Variants in FAM210B observed in about 807,000 individuals in gnomAD.
FAM210B encodes the protein family with sequence similarity 210 member B.
In FAM210B, 11 loss-of-function variants were observed where a neutral mutation model predicts 14.9. The ratio of observed to expected loss-of-function variants is 0.74; its 90% confidence interval spans 0.46 to 1.22. The LOEUF is 1.22. Among genes scored for constraint, FAM210B ranks in the 50% most tolerant of loss-of-function variants. FAM210B has a pLI of 0.00. For synonymous variants in FAM210B, 113 were observed against 110.2 expected (o/e 1.03, Z -0.16); for missense variants, 229 against 250.1 (o/e 0.92, Z 0.57).
rs6014708 is a variant in FAM210B, at chr20:56,363,940, A to G, written c.187-1147A>G. 0.27 allele frequency among the ~76,000 whole-genome samples: 40,532 copies of G among 151,792 alleles called. 8,292 individuals carry two copies. The highest frequency in any genetic ancestry group is 0.62 in the East Asian group (3,164 of 5,126). On this transcript the variant is annotated intron_variant, in intron 1 of 2. Transcript: ENST00000371384. The surrounding 1 kb of genome is among the most constrained non-coding windows in gnomAD (Gnocchi z 4.1). ...GGGCCTGGGTTCTAATCTTGGTGACATCAGGCCAATGACCTCACCTCAGCA... is the reference window on the plus strand; with the variant it reads ...GGGCCTGGGTTCTAATCTTGGTGACGTCAGGCCAATGACCTCACCTCAGCA...
rs538763893 is a variant in FAM210B at position 56,359,319 on chromosome 20, C to G, written c.186+128C>G. ...ACTTGTAGCTGCCCGGGACCGAGCT[C>G]TTCCAGGGTCCCCGAAACCCCAAAT... On this transcript the variant is annotated intron_variant, in intron 1 of 2. Transcript: ENST00000371384. This position sits in a 1 kb window ranked among gnomAD's most constrained non-coding sequence, Gnocchi z 4.3. The G allele has an allele frequency of 1.2e-5, 12 of 962,480 alleles. No individual in the cohort carries two copies. The African/African-American group carries it at 1.9e-4, about 15-fold the overall frequency. 59.6% of individuals were successfully genotyped at this position (962,480 alleles called of 1,614,324 possible).
Position 56,367,435 on chromosome 20 carries a change from T to C in FAM210B, c.*1148T>C, listed in dbSNP as rs1419137194. 2 of 152,118 alleles carry C rather than the reference T, an allele frequency of 1.3e-5. No individual in the cohort carries two copies. The highest frequency in any genetic ancestry group is 2.9e-5 in the Non-Finnish European group (2 of 68,124). 9.4% of individuals were successfully genotyped at this position (152,118 alleles called of 1,614,324 possible). On this transcript the variant is annotated 3_prime_UTR_variant, in exon 3 of 3. Coordinates refer to ENST00000371384, the MANE Select transcript of FAM210B (RefSeq NM_080821.3). ...AGGCGTGTCACTTGAGGCCAGGAGTTCGAGACCAGCCTGGCCAACATGATG... is the reference window on the plus strand; with the variant it reads ...AGGCGTGTCACTTGAGGCCAGGAGTCCGAGACCAGCCTGGCCAACATGATG...
rs2146107887 is a variant in FAM210B at position 56,362,568 on chromosome 20, G to C, written c.187-2519G>C. Among the ~76,000 whole-genome samples the C allele has an allele frequency of 6.6e-6, 1 of 152,252 alleles. No individual in the cohort carries two copies. Among genetic ancestry groups the C allele is most frequent in the South Asian group, 2.1e-4 (1 of 4,826 alleles). The stretch of plus-strand genomic sequence containing the variant: ...CCAAAGGTTAGGAAGAAAAATGCGT[G>C]GCTCACAGTGCTTATAGATGGGTGT... On this transcript the variant is annotated intron_variant, in intron 1 of 2. Transcript: ENST00000371384. The surrounding 1 kb of genome is among the most constrained non-coding windows in gnomAD (Gnocchi z 4.8).
rs1983569474 is a variant in FAM210B, at chr20:56,363,357, G to C, written c.187-1730G>C. On this transcript the variant is annotated intron_variant, in intron 1 of 2. Transcript: ENST00000371384. The surrounding 1 kb of genome is among the most constrained non-coding windows in gnomAD (Gnocchi z 4.1). ...AGGTTCCTGGGTCATGAGGCAGTGA[G>C]GGATTTATGAAATGACGCCTTTGAA... Among the ~76,000 whole-genome samples the C allele has an allele frequency of 6.6e-6, 1 of 152,194 alleles. No homozygotes were observed. Among genetic ancestry groups the C allele is most frequent in the Admixed American group, 6.5e-5 (1 of 15,282 alleles).
Position 56,359,133 on chromosome 20 carries a change from C to T in FAM210B, c.128C>T (p.Pro43Leu), listed in dbSNP as rs567996935. ...CCGCCCCTGGCCCTGGCCCTGCTCC[C>T]GCCCAGGCTAGACGCCCGGCTGCTC... ...APPPLALALLPPRLDARLLRT... is the reference protein window; with the variant it reads ...APPPLALALLLPRLDARLLRT... Residue 43 changes from proline to leucine, a missense_variant, in exon 1 of 3, where the codon CCG (proline) becomes CTG (leucine). Coordinates refer to ENST00000371384, the MANE Select transcript of FAM210B (RefSeq NM_080821.3). This position sits in a 1 kb window ranked among gnomAD's most constrained non-coding sequence, Gnocchi z 4.3. The T allele has an allele frequency of 5.5e-4, 702 of 1,276,548 alleles. 8 individuals are homozygous for T. In the African/African-American group the frequency reaches 9.5e-3, roughly 17 times the overall value. 79.1% of individuals were successfully genotyped at this position (1,276,548 alleles called of 1,614,324 possible). A position where few individuals can be genotyped will look rare whatever the true frequency, so the allele number is the denominator to read the frequency against.
At position 56,359,430 on chromosome 20, in the gene FAM210B, G is replaced by T. The variant is rs1983488323; in HGVS notation, c.186+239G>T. 6.6e-6 allele frequency among the ~76,000 whole-genome samples: 1 copy of T among 152,238 alleles called. No individual in the cohort carries two copies. The highest frequency in any genetic ancestry group is 1.5e-5 in the Non-Finnish European group (1 of 68,046). ...GGTGTGGCGCTCTGCCCAAGGTCGC[G>T]CAGTCTTCGGCCGAGCCCCGGGTCT... On this transcript the variant is annotated intron_variant, in intron 1 of 2. Coordinates refer to ENST00000371384, the MANE Select transcript of FAM210B (RefSeq NM_080821.3). This position sits in a 1 kb window ranked among gnomAD's most constrained non-coding sequence, Gnocchi z 4.3.
Position 56,359,165 on chromosome 20 carries a change from G to A in FAM210B, c.160G>A (p.Ala54Thr). The change falls in exon 1 of 3, where the codon GCG becomes ACG. Residue 54 changes from alanine (A) to threonine (T), a missense_variant. Ala to Thr is a moderately conservative substitution (Grantham distance 58, BLOSUM62 0). Around this residue, in one of 3 missense-constraint regions of FAM210B, gnomAD observed 144 missense variants for 132.5 expected, o/e 1.09. Coordinates refer to ENST00000371384, the MANE Select transcript of FAM210B (RefSeq NM_080821.3). The surrounding 1 kb of genome is among the most constrained non-coding windows in gnomAD (Gnocchi z 4.3). ...PRLDARLLRT[A>T]RGDCRGHQDP... ...GCTAGACGCCCGGCTGCTCCGCACG[G>A]CGCGCGGGGACTGCCGCGGCCACCA... is the stretch of plus-strand genomic sequence containing the variant. 3 of 1,239,286 alleles carry A rather than the reference G, an allele frequency of 2.4e-6. No homozygotes were observed. The highest frequency in any genetic ancestry group is 3.0e-6 in the Non-Finnish European group (3 of 995,366). 76.8% of individuals were successfully genotyped at this position (1,239,286 alleles called of 1,614,324 possible). A position where few individuals can be genotyped will look rare whatever the true frequency, so the allele number is the denominator to read the frequency against.
chr20:56,365,252 G>A lies in FAM210B; in HGVS notation c.352G>A (p.Val118Ile), dbSNP rs141834554. ...SLISLGIFYM[V>I]VSSGVDMPAI... ...AATTTCCTTGGGCATATTTTACATG[G>A]TTGTGTCAAGGTAAGATTTTTGACA... The change falls in exon 2 of 3, where the codon GTT becomes ATT. Residue 118 changes from valine (V) to isoleucine (I), a missense_variant. Transcript: ENST00000371384. 18 of 1,612,046 alleles carry A rather than the reference G, an allele frequency of 1.1e-5. No homozygotes were observed. The African/African-American group carries it at 1.7e-4, about 16-fold the overall frequency.
intron 1 of FAM210B, among the ~76,000 whole-genome samples, chr20:56,360,971 G>A (rs756586107): frequency 2.0e-5 from 3 of 152,228 alleles, no homozygotes; most frequent in African/African-American, 7.2e-5. Flanking sequence ...AAATTTGCCA[G>A]GTGTTTAATT....
rs1166780212 is a variant in FAM210B, at chr20:56,359,645, A to G, written c.186+454A>G. 1.3e-5 allele frequency among the ~76,000 whole-genome samples: 2 copies of G among 152,148 alleles called. No homozygotes were observed. The highest frequency in any genetic ancestry group is 2.9e-5 in the Non-Finnish European group (2 of 68,034). ...TCCTCAGGGAAGCCGCGGGCAAGAA[A>G]CCCACAGTGCTGTTTGTTATGTTTC... On this transcript the variant is annotated intron_variant, in intron 1 of 2. Coordinates refer to ENST00000371384, the MANE Select transcript of FAM210B (RefSeq NM_080821.3). This position sits in a 1 kb window ranked among gnomAD's most constrained non-coding sequence, Gnocchi z 4.3.
rs1326534722 is a variant in FAM210B at position 56,359,099 on chromosome 20, T to C, written c.94T>C (p.Cys32Arg). Residue 32 changes from cysteine to arginine, a missense_variant, in exon 1 of 3, where the codon TGC (cysteine) becomes CGC (arginine). By Grantham distance (180) the Cys-to-Arg change is radical. Around this residue, in one of 3 missense-constraint regions of FAM210B, gnomAD observed 144 missense variants for 132.5 expected, o/e 1.09. Transcript: ENST00000371384. The surrounding 1 kb of genome is among the most constrained non-coding windows in gnomAD (Gnocchi z 4.3). ...ATWLLGATAPCAPPPLALALL... is the reference protein window; with the variant it reads ...ATWLLGATAPRAPPPLALALL... Reference sequence around the variant, plus strand: ...CTGGCTCCTGGGCGCCACCGCCCCCTGCGCCCCGCCGCCCCTGGCCCTGGC... The same window carrying C: ...CTGGCTCCTGGGCGCCACCGCCCCCCGCGCCCCGCCGCCCCTGGCCCTGGC... 7 of 1,338,456 alleles carry C rather than the reference T, an allele frequency of 5.2e-6. No homozygotes were observed. 82.9% of individuals were successfully genotyped at this position (1,338,456 alleles called of 1,614,324 possible).
intron 1 of FAM210B, among the ~76,000 whole-genome samples, chr20:56,361,107 GC>G (rs1983522756): frequency 6.6e-6 from 1 of 152,174 alleles, no homozygotes. Flanking sequence ...CCGCCTAGCA[GC>G]CCCGCCTGCC....
rs1983482392 is a variant in FAM210B at position 56,359,166 on chromosome 20, C to A, written c.161C>A (p.Ala54Glu). 3.2e-6 allele frequency: 4 copies of A among 1,238,608 alleles called. No individual in the cohort carries two copies. In the African/African-American group the frequency reaches 4.7e-5, roughly 14 times the overall value. The allele number at this position is 1,238,608 out of a possible 1,614,324, so 76.7% of individuals were successfully genotyped here. A position where few individuals can be genotyped will look rare whatever the true frequency, so the allele number is the denominator to read the frequency against. Reference protein sequence around the residue: ...PRLDARLLRTARGDCRGHQDP... With the variant: ...PRLDARLLRTERGDCRGHQDP... ...CTAGACGCCCGGCTGCTCCGCACGG[C>A]GCGCGGGGACTGCCGCGGCCACCAG... The change falls in exon 1 of 3, where the codon GCG (alanine) becomes GAG (glutamate). Residue 54 changes from alanine (A) to glutamate (E), a missense_variant. By Grantham distance (107) the Ala-to-Glu change is moderately radical. Around this residue, in one of 3 missense-constraint regions of FAM210B, gnomAD observed 144 missense variants for 132.5 expected, o/e 1.09. Coordinates refer to ENST00000371384, the MANE Select transcript of FAM210B (RefSeq NM_080821.3). The surrounding 1 kb of genome is among the most constrained non-coding windows in gnomAD (Gnocchi z 4.3).
Position 56,359,774 on chromosome 20 carries a change from C to G in FAM210B, c.186+583C>G, listed in dbSNP as rs116574266. Among the ~76,000 whole-genome samples, 601 of 152,340 alleles carry G rather than the reference C, an allele frequency of 3.9e-3. 3 individuals carry two copies. The highest frequency in any genetic ancestry group is 0.014 in the African/African-American group (574 of 41,578). On this transcript the variant is annotated intron_variant, in intron 1 of 2. Coordinates refer to ENST00000371384, the MANE Select transcript of FAM210B (RefSeq NM_080821.3). The surrounding 1 kb of genome is among the most constrained non-coding windows in gnomAD (Gnocchi z 4.3). ...ATCTATCACTTTCTTCCAAGTGAGTCTTTTTAAATAAAAATAGTAGTAAAT... is the reference window on the plus strand; with the variant it reads ...ATCTATCACTTTCTTCCAAGTGAGTGTTTTTAAATAAAAATAGTAGTAAAT...
intron 1 of FAM210B, 133 bp from the exon 2 acceptor site, chr20:56,364,954 A>C: frequency 1.1e-6 from 1 of 895,436 alleles, no homozygotes. Flanking sequence ...ACTCTGTCTC[A>C]AAAGAAAAAG....
chr20:56,359,093 G>T lies in FAM210B; in HGVS notation c.88G>T (p.Ala30Ser). The change falls in exon 1 of 3, where the codon GCC becomes TCC. Residue 30 changes from alanine to serine, a missense_variant. Ala to Ser is a moderately conservative substitution (Grantham distance 99, BLOSUM62 1). This residue lies in a region of FAM210B where 144 missense variants were observed against 132.5 expected (regional missense o/e 1.09). Coordinates refer to ENST00000371384, the MANE Select transcript of FAM210B (RefSeq NM_080821.3). The surrounding 1 kb of genome is among the most constrained non-coding windows in gnomAD (Gnocchi z 4.3). ...PRATWLLGAT[A>S]PCAPPPLALA... ...CGCCACCTGGCTCCTGGGCGCCACCGCCCCCTGCGCCCCGCCGCCCCTGGC... is the reference window on the plus strand; with the variant it reads ...CGCCACCTGGCTCCTGGGCGCCACCTCCCCCTGCGCCCCGCCGCCCCTGGC... 7.5e-7 allele frequency: 1 copy of T among 1,337,090 alleles called. No homozygotes were observed. The highest frequency in any genetic ancestry group is 9.6e-7 in the Non-Finnish European group (1 of 1,042,428). The allele number at this position is 1,337,090 out of a possible 1,614,324, so 82.8% of individuals were successfully genotyped here.
At chr20:56,365,829 G>A (rs951875211) in intron 2 of FAM210B, among the ~76,000 whole-genome samples, 4 of 151,428 alleles carry the variant, frequency 2.6e-5, no homozygotes, top group Non-Finnish European at 4.4e-5. Flanking sequence ...GTTGTGTTGA[G>A]ACAAGAGTCT....
In FAM210B at chr20:56,362,960, C is replaced by T. The variant is rs754799355; in HGVS notation, c.187-2127C>T. Among the ~76,000 whole-genome samples the T allele has an allele frequency of 7.9e-5, 12 of 152,334 alleles. No homozygotes were observed. Among genetic ancestry groups the T allele is most frequent in the South Asian group, 2.1e-4 (1 of 4,830 alleles). Reference sequence around the variant, plus strand: ...GTCCCCACCACCTGGCTGCTGTCCCCTCTGCAGCCTCCCTCAGCAGCTGGA... The same window carrying T: ...GTCCCCACCACCTGGCTGCTGTCCCTTCTGCAGCCTCCCTCAGCAGCTGGA... On this transcript the variant is annotated intron_variant, in intron 1 of 2. Transcript: ENST00000371384. The surrounding 1 kb of genome is among the most constrained non-coding windows in gnomAD (Gnocchi z 4.8).
At chr20:56,365,618 G>C (rs1983618443) in intron 2 of FAM210B, among the ~76,000 whole-genome samples, 1 of 152,142 alleles carries the variant, frequency 6.6e-6, no homozygotes, top group Non-Finnish European at 1.5e-5. Flanking sequence ...TGGTTCTCCT[G>C]CCTCAGCCTC....
Sources: allele counts gnomAD v4.1 joint callset (sites outside exome capture counted in the v4.1 genomes callset), GRCh38; gene constraint gnomAD v4.1.1; regional missense constraint gnomAD v4.1.1; non-coding constraint Gnocchi (gnomAD v3.1); transcripts MANE v1.5; gene names NCBI Gene and HGNC (gene_info 2026-07-23, HGNC 2026-07-21).